RABGAP1L: variants seen among roughly 807,000 people sequenced by gnomAD.
RABGAP1L encodes the protein rab GTPase-activating protein 1-like.
Under a neutral mutation model 137.7 loss-of-function variants are expected in RABGAP1L, and 63 were observed. The observed-to-expected ratio is 0.46, with a 90% CI of 0.37 to 0.56. The LOEUF (loss-of-function observed/expected upper bound fraction) is 0.56. Among genes scored for constraint, RABGAP1L ranks in the 20% least tolerant of loss-of-function variants. The probability of loss-of-function intolerance (pLI) is 0.00; values close to 1 mark genes in which losing one functional copy is unlikely to be tolerated. For synonymous variants in RABGAP1L, 431 were observed against 433.7 expected, an observed-to-expected ratio of 0.99 and a Z score of 0.08; for missense variants, 1,095 against 1,244.0, an observed-to-expected ratio of 0.88 and a Z score of 1.80.
At chr1:174,182,974 A>G (rs1012286837) in intron 1 of RABGAP1L, among the ~76,000 whole-genome samples, 8 of 152,146 alleles carry the variant, frequency 5.3e-5, no homozygotes, top group African/African-American at 1.4e-4. Flanking sequence ...TTCTAAAGCT[A>G]TTTCTTTATA....
rs541882204 is a variant in RABGAP1L, at chr1:174,609,359, T to C, written c.1711-28016T>C. On this transcript the variant is annotated intron_variant, in intron 13 of 25. Transcript: ENST00000681986. ...GCATTTTCTTTCTTTTTATTACAAA[T>C]TCAGACTTTAAAATTGTTCTCTTAG... Among the ~76,000 whole-genome samples, 88 of 152,282 alleles carry C rather than the reference T, an allele frequency of 5.8e-4. 1 individual carries two copies. The highest frequency in any genetic ancestry group is 1.7e-3 in the Admixed American group (26 of 15,292).
At chr1:174,837,527 A>G (rs1398060250) in intron 19 of RABGAP1L, among the ~76,000 whole-genome samples, 4 of 152,202 alleles carry the variant, frequency 2.6e-5, no homozygotes, top group Non-Finnish European at 4.4e-5. Flanking sequence ...GCATGCCCCC[A>G]TGAGAGCTTT....
At position 174,394,102 on chromosome 1, in the gene RABGAP1L, A is replaced by T; in HGVS notation, c.1667A>T (p.Asp556Val). The change falls in exon 13 of 26, where the codon GAC becomes GTC. Residue 556 changes from aspartate to valine, a missense_variant. Around this residue, in one of 4 missense-constraint regions of RABGAP1L, gnomAD observed 315 missense variants for 324.8 expected, o/e 0.97. Coordinates refer to ENST00000681986, the MANE Select transcript of RABGAP1L (RefSeq NM_001366446.1). ...TGGCAGTTATTGGCAGGCTGCCATG[A>T]CAACCAGGCAATGCTGGATAGATAC... ...EVWQLLAGCH[D>V]NQAMLDRYRI... The T allele has an allele frequency of 6.2e-7, 1 of 1,613,886 alleles. No homozygotes were observed. Among genetic ancestry groups the T allele is most frequent in the East Asian group, 2.2e-5 (1 of 44,876 alleles).
chr1:174,454,218 G>A (rs1218255671), intron 13 of RABGAP1L, among the ~76,000 whole-genome samples: 2 of 151,772 alleles, frequency 1.3e-5, no homozygotes, highest in African/African-American at 2.4e-5. Flanking sequence ...AGCCGAGATC[G>A]CACCACTGCA....
chr1:174,968,817 T>C (rs1014481165), intron 20 of RABGAP1L, among the ~76,000 whole-genome samples: 7 of 152,228 alleles, frequency 4.6e-5, no homozygotes, highest in Non-Finnish European at 7.3e-5. Flanking sequence ...ATACTCAATA[T>C]GAACCCTGTC....
chr1:174,490,187 G>T (rs140823802), intron 13 of RABGAP1L, among the ~76,000 whole-genome samples: 1 of 152,176 alleles, frequency 6.6e-6, no homozygotes, highest in Non-Finnish European at 1.5e-5. Context: ...GGTATTTATT[G>T]TAGTCTTCTC....
chr1:174,963,243 G>T (rs568076654), intron 20 of RABGAP1L, among the ~76,000 whole-genome samples: 25 of 152,266 alleles, frequency 1.6e-4, no homozygotes, highest in Non-Finnish European at 2.9e-4. Flanking sequence ...CACAAGGATG[G>T]TTTATATATG....
intron 13 of RABGAP1L, among the ~76,000 whole-genome samples, chr1:174,596,481 A>G (rs916313575): frequency 6.6e-5 from 10 of 152,196 alleles, no homozygotes; most frequent in Admixed American, 2.6e-4. Context: ...GCTGTTGCAA[A>G]TTGGATTCTT....
intron 20 of RABGAP1L, among the ~76,000 whole-genome samples, chr1:174,967,973 A>G (rs960444564): frequency 2.7e-5 from 4 of 150,126 alleles, no homozygotes; most frequent in Non-Finnish European, 4.4e-5. Flanking sequence ...TGGCTGGTAT[A>G]ATCAAGGTGC....
intron 1 of RABGAP1L, among the ~76,000 whole-genome samples, chr1:174,208,392 A>G (rs148722861): frequency 1.7e-3 from 266 of 152,156 alleles, no homozygotes; most frequent in Admixed American, 2.7e-3. Flanking sequence ...TTAGGGGGAA[A>G]GTGTCTGCTT....
intron 13 of RABGAP1L, among the ~76,000 whole-genome samples, chr1:174,421,791 C>T (rs1235106847): frequency 6.6e-6 from 1 of 152,122 alleles, no homozygotes; most frequent in Admixed American, 6.5e-5. Flanking sequence ...GTTTTTGAGA[C>T]GGAGTCTCAC....
At chr1:174,973,400 T>A (rs1364970184) in intron 21 of RABGAP1L, among the ~76,000 whole-genome samples, 1 of 149,912 alleles carries the variant, frequency 6.7e-6, no homozygotes, top group Non-Finnish European at 1.5e-5. Flanking sequence ...TTTTTTTTTT[T>A]CTTTGAGACA....
At chr1:174,544,249 GT>G (rs928105206) in intron 13 of RABGAP1L, among the ~76,000 whole-genome samples, 40 of 151,288 alleles carry the variant, frequency 2.6e-4, no homozygotes, top group African/African-American at 9.0e-4. Flanking sequence ...GTGTAGATTT[GT>G]TTTTTTCACA....
intron 19 of RABGAP1L, among the ~76,000 whole-genome samples, chr1:174,866,714 C>A (rs1259122650): frequency 2.0e-5 from 3 of 151,836 alleles, no homozygotes; most frequent in Non-Finnish European, 4.4e-5. Context: ...GAGTTCGAGA[C>A]CAGCCTGGGC....
chr1:174,371,335 T>G (rs1685098656), intron 12 of RABGAP1L, among the ~76,000 whole-genome samples: 2 of 152,074 alleles, frequency 1.3e-5, no homozygotes, highest in South Asian at 4.1e-4. Flanking sequence ...TCAGACCGTA[T>G]TATTTGTCTT....
At chr1:174,219,615 T>C (rs1022389516) in intron 2 of RABGAP1L, among the ~76,000 whole-genome samples, 1 of 152,194 alleles carries the variant, frequency 6.6e-6, no homozygotes, top group Non-Finnish European at 1.5e-5. Flanking sequence ...TGCTGGGTTT[T>C]AGAAGTTAAT....
At chr1:174,390,638 C>G (rs748266021) in intron 12 of RABGAP1L, among the ~76,000 whole-genome samples, 164 of 152,184 alleles carry the variant, frequency 1.1e-3, no homozygotes, top group Non-Finnish European at 1.5e-3. Context: ...GAGGCTATTG[C>G]AGAAGTCTGG....
intron 18 of RABGAP1L, among the ~76,000 whole-genome samples, chr1:174,767,050 T>C (rs1445158737): frequency 6.6e-6 from 1 of 152,230 alleles, no homozygotes; most frequent in African/African-American, 2.4e-5. Context: ...TGAATCTACC[T>C]GTGACCCGGA....
chr1:174,866,112 A>G (rs1272621022), intron 19 of RABGAP1L, among the ~76,000 whole-genome samples: 40 of 4,268 alleles, frequency 9.4e-3, no homozygotes, highest in Admixed American at 0.02. Flanking sequence ...AGGGAGGGGG[A>G]GAGAGAGAGA....
Sources: gnomAD v4.1 joint callset for allele counts (sites outside exome capture counted in the v4.1 genomes callset) on GRCh38, gnomAD v4.1.1 for gene constraint, gnomAD v4.1.1 regional missense constraint, MANE v1.5 for transcripts, NCBI Gene and HGNC (gene_info 2026-07-23, HGNC 2026-07-21) for gene names.